Variants in METTL25 observed in about 807,000 individuals in gnomAD.
METTL25 encodes methyltransferase like 25.
Under a neutral mutation model 71.6 loss-of-function variants are expected in METTL25, and 64 were observed. The ratio of observed to expected loss-of-function variants is 0.89; its 90% CI spans 0.73 to 1.10. The LOEUF is 1.10. Among genes scored for constraint, METTL25 ranks in the 50% least tolerant of loss-of-function variants. METTL25 has a pLI of 0.00. For missense variants in METTL25, 807 were observed against 707.0 expected, an observed-to-expected ratio of 1.14 and a Z score of -1.60; for synonymous variants, 287 against 250.3, an observed-to-expected ratio of 1.15 and a Z score of -1.38.
intron 1 of METTL25, among the ~76,000 whole-genome samples, chr12:82,382,171 A>T (rs1015878195): frequency 1.3e-5 from 2 of 152,202 alleles, no homozygotes; most frequent in African/African-American, 4.8e-5. Flanking sequence ...AATTGAAGAC[A>T]TCTGTAGGAC....
intron 8 of METTL25, among the ~76,000 whole-genome samples, chr12:82,453,774 C>G (rs1891303167): frequency 6.6e-6 from 1 of 151,886 alleles, no homozygotes; most frequent in African/African-American, 2.4e-5. Flanking sequence ...ATGCATTTTT[C>G]TCTTATTTTG....
chr12:82,387,064 TTG>T, intron 2 of METTL25, 97 bp downstream of exon 2: 3 of 984,960 alleles, frequency 3.0e-6, no homozygotes, highest in Non-Finnish European at 4.4e-6. Context: ...TATTAATTTA[TTG>T]TTAGACCTTA....
chr12:82,371,223 C>T (rs965452641), intron 1 of METTL25, among the ~76,000 whole-genome samples: 3 of 152,160 alleles, frequency 2.0e-5, no homozygotes, highest in Admixed American at 2.0e-4. Flanking sequence ...AATTTCCTGG[C>T]CCTCAATTGT....
At chr12:82,386,667 A>G (rs1304286818) in intron 1 of METTL25, 136 bp from the exon 2 acceptor site, 9 of 678,252 alleles carry the variant, frequency 1.3e-5, no homozygotes, top group South Asian at 2.0e-5. Flanking sequence ...GCCATTAGAT[A>G]TATTGCCAAA....
intron 1 of METTL25, among the ~76,000 whole-genome samples, chr12:82,360,410 G>A (rs1301020312): frequency 2.6e-5 from 4 of 151,816 alleles, no homozygotes; most frequent in African/African-American, 9.7e-5. Flanking sequence ...AAGGGATATA[G>A]CTGATAATGG....
At chr12:82,441,786 C>CA (rs201386289) in intron 8 of METTL25, among the ~76,000 whole-genome samples, 2,626 of 62,556 alleles carry the variant, frequency 0.042, 83 homozygotes, top group African/African-American at 0.13. Flanking sequence ...CATACTATAG[C>CA]AAAAAAAAAA....
chr12:82,464,266 C>A (rs1160880820), intron 9 of METTL25, among the ~76,000 whole-genome samples: 1 of 151,786 alleles, frequency 6.6e-6, no homozygotes. Context: ...GGTCTTGGAT[C>A]CATTTTGAGT....
At chr12:82,375,622 T>A (rs1017496852) in intron 1 of METTL25, among the ~76,000 whole-genome samples, 13 of 152,166 alleles carry the variant, frequency 8.5e-5, no homozygotes, top group African/African-American at 3.1e-4. Flanking sequence ...GATTGAGATG[T>A]TTCAAGTGTA....
rs1209714587 is a variant in METTL25, at chr12:82,431,004, T to C, written c.1374+17T>C. The C allele has an allele frequency of 1.3e-6, 2 of 1,507,416 alleles. No homozygotes were observed. The highest frequency in any genetic ancestry group is 1.8e-6 in the Non-Finnish European group (2 of 1,093,734). 93.4% of individuals were successfully genotyped at this position (1,507,416 alleles called of 1,614,324 possible). A position where few individuals can be genotyped will look rare whatever the true frequency, so the allele number is the denominator to read the frequency against. On this transcript the variant is annotated intron_variant, in intron 6 of 11. Coordinates refer to ENST00000248306, the MANE Select transcript of METTL25 (RefSeq NM_032230.3). ...GCATGTTTGGTATGGTTATATTTTT[T>C]CCTGGAGTAACAGCTTTATCCAGAT...
At chr12:82,468,575 T>C (rs1474471887) in intron 9 of METTL25, 1 of 152,288 alleles carries the variant, frequency 6.6e-6, no homozygotes, top group African/African-American at 2.4e-5. Context: ...GCATCTATGA[T>C]GGAGAGGTGT....
intron 1 of METTL25, chr12:82,369,575 C>T (rs921663149): frequency 5.4e-6 from 2 of 368,450 alleles, no homozygotes; most frequent in East Asian, 9.7e-5. Context: ...GTGTTAACAG[C>T]TCTTAAAGGT....
chr12:82,398,911 A>G lies in METTL25; in HGVS notation c.648A>G (p.Arg216=), dbSNP rs1007793643. Reference sequence around the variant, plus strand: ...CCAATACTCATGGAGCTGAGGAGAGAAACAGAAAATTGAAGAAACATTGGA... The same window carrying G: ...CCAATACTCATGGAGCTGAGGAGAGGAACAGAAAATTGAAGAAACATTGGA... The part of the protein sequence containing the change: ...SNTNTHGAEE[R]NRKLKKHWKL... The change falls in exon 4 of 12, where the codon AGA becomes AGG. Residue 216 remains arginine, a synonymous_variant. Coordinates refer to ENST00000248306, the MANE Select transcript of METTL25 (RefSeq NM_032230.3). The G allele has an allele frequency of 2.5e-6, 4 of 1,612,754 alleles. No individual in the cohort carries two copies. Among genetic ancestry groups the G allele is most frequent in the Non-Finnish European group, 1.7e-6 (2 of 1,179,640 alleles).
At chr12:82,439,390 C>G (rs1177601125) in intron 8 of METTL25, among the ~76,000 whole-genome samples, 1 of 151,718 alleles carries the variant, frequency 6.6e-6, no homozygotes, top group Non-Finnish European at 1.5e-5. Context: ...ATTTGTAATT[C>G]TGGCATGCTT....
chr12:82,455,392 A>G (rs118048689), intron 8 of METTL25, among the ~76,000 whole-genome samples: 198 of 152,026 alleles, frequency 1.3e-3, no homozygotes, highest in Non-Finnish European at 1.8e-3. Context: ...CTACAAAAAT[A>G]TATTTTCTGC....
rs947857939 is a variant in METTL25 at position 82,477,100 on chromosome 12, A to G, written c.1648-181A>G. 4.6e-5 allele frequency among the ~76,000 whole-genome samples: 7 copies of G among 151,818 alleles called. No individual in the cohort carries two copies. The South Asian group carries it at 1.2e-3, about 27-fold the overall frequency. Reference sequence around the variant, plus strand: ...GTCACTTAAAGGACATTCTTTTCCTATTATTAAAGAAAACCTTTTGATCTC... The same window carrying G: ...GTCACTTAAAGGACATTCTTTTCCTGTTATTAAAGAAAACCTTTTGATCTC... On this transcript the variant is annotated intron_variant, in intron 10 of 11. Coordinates refer to ENST00000248306, the MANE Select transcript of METTL25 (RefSeq NM_032230.3).
At chr12:82,416,446 G>GTTTTTT (rs5799585) in intron 5 of METTL25, among the ~76,000 whole-genome samples, 1 of 136,796 alleles carries the variant, frequency 7.3e-6, no homozygotes, top group Non-Finnish European at 1.5e-5. Flanking sequence ...TATCATTTAG[G>GTTTTTT]TTTTTTTTTT....
chr12:82,478,869 A>T lies in METTL25; in HGVS notation c.1720-63A>T. 4 of 1,251,770 alleles carry T rather than the reference A, an allele frequency of 3.2e-6. No homozygotes were observed. The South Asian group carries it at 5.0e-5, about 16-fold the overall frequency. The allele number at this position is 1,251,770 out of a possible 1,614,324, so 77.5% of individuals were successfully genotyped here. A position where few individuals can be genotyped will look rare whatever the true frequency, so the allele number is the denominator to read the frequency against. On this transcript the variant is annotated intron_variant, in intron 11 of 11. Transcript: ENST00000248306. ...TTTTTATATTACAATATATAATCCA[A>T]CTCGCGTCTAATTTTTTTCTTCAAC... is the stretch of plus-strand genomic sequence containing the variant.
At chr12:82,434,576 A>C in intron 6 of METTL25, 119 bp from the exon 7 acceptor site, 2 of 784,350 alleles carry the variant, frequency 2.5e-6, no homozygotes, top group South Asian at 3.1e-5. Context: ...GCATAAACTT[A>C]CATATTATCA....
At chr12:82,414,829 T>C (rs1887838796) in intron 5 of METTL25, among the ~76,000 whole-genome samples, 1 of 152,124 alleles carries the variant, frequency 6.6e-6, no homozygotes. Context: ...TGCTATAGCG[T>C]TCTCATTTCT....
Sources: gnomAD v4.1 joint callset for allele counts (sites outside exome capture counted in the v4.1 genomes callset) on GRCh38, gnomAD v4.1.1 for gene constraint, MANE v1.5 for transcripts, NCBI Gene and HGNC (gene_info 2026-07-23, HGNC 2026-07-21) for gene names.